The following TNFRSF4 variants were observed in gnomAD, a reference collection of about 807,000 sequenced individuals.
TNFRSF4 encodes tumor necrosis factor receptor superfamily member 4.
A neutral mutation model predicts 29.5 loss-of-function variants in TNFRSF4; 21 were observed. That is an observed-to-expected ratio of 0.71 (90% CI 0.51 to 1.03). The LOEUF is 1.03. Among genes scored for constraint, TNFRSF4 ranks in the 50% least tolerant of loss-of-function variants. TNFRSF4 has a pLI of 0.00. For synonymous variants in TNFRSF4, 197 were observed against 172.7 expected, an observed-to-expected ratio of 1.14 and a Z score of -1.10; for missense variants, 408 against 387.8, an observed-to-expected ratio of 1.05 and a Z score of -0.44.
rs1649133483 is a variant in TNFRSF4, at chr1:1,211,836, C to T, written c.635-4G>A. The stretch of plus-strand genomic sequence containing the variant: ...AGGATGGCGGCAACCGCACGGCCTG[C>T]AGGAAGGGGTCTGCTGGGTGGGGTC... On this transcript the variant is annotated splice_region_variant and splice_polypyrimidine_tract_variant and intron_variant, in intron 5 of 6. Coordinates refer to ENST00000379236, the MANE Select transcript of TNFRSF4 (RefSeq NM_003327.4). The T allele has an allele frequency of 4.5e-6, 7 of 1,542,602 alleles. No homozygotes were observed. Among genetic ancestry groups the T allele is most frequent in the African/African-American group, 1.4e-5 (1 of 73,222 alleles).
At chr1:1,211,872 GC>G in intron 5 of TNFRSF4, 40 bp from the exon 6 acceptor site, 1 of 1,510,588 alleles carries the variant, frequency 6.6e-7, no homozygotes, top group Non-Finnish European at 8.8e-7. Flanking sequence ...CACAGGAGGG[GC>G]CCCCATGCCG....
intron 4 of TNFRSF4, 42 bp from the exon 5 acceptor site, chr1:1,212,180 T>G (rs773663465): frequency 6.2e-7 from 1 of 1,606,254 alleles, no homozygotes; most frequent in South Asian, 1.1e-5. Flanking sequence ...AGAAACCCCC[T>G]GGGACCCGGG....
Position 1,211,987 on chromosome 1 carries a change from T to C in TNFRSF4, c.589A>G (p.Arg197Gly). The C allele has an allele frequency of 1.2e-6, 2 of 1,604,620 alleles. No individual in the cohort carries two copies. The highest frequency in any genetic ancestry group is 1.7e-5 in the Admixed American group (1 of 58,618). The change falls in exon 5 of 7, where the codon AGA (arginine) becomes GGA (glycine). Residue 197 changes from arginine (R) to glycine (G), a missense_variant. Arg to Gly is a moderately radical substitution (Grantham distance 125). Transcript: ENST00000379236. The stretch of plus-strand genomic sequence containing the variant: ...CGGGTGGAGGGTCCCTGTGAGGTTC[T>C]GGGCCAGGCTTCAGTGGGCTGGACA... Reference protein sequence around the residue: ...ITVQPTEAWPRTSQGPSTRPV... With the variant: ...ITVQPTEAWPGTSQGPSTRPV...
At chr1:1,211,902 C>T (rs564928622) in intron 5 of TNFRSF4, 40 bp downstream of exon 5, 82 of 1,508,334 alleles carry the variant, frequency 5.4e-5, no homozygotes, top group Admixed American at 2.3e-4. Flanking sequence ...TTCTCCTATT[C>T]GGGTTGGGGG....
intron 6 of TNFRSF4, 29 bp downstream of exon 6, chr1:1,211,675 G>A (rs1179694456): frequency 6.3e-7 from 1 of 1,580,854 alleles, no homozygotes; most frequent in Non-Finnish European, 8.6e-7. Flanking sequence ...CCCGCCAGGA[G>A]CAGTGCGGCA....
intron 5 of TNFRSF4, 29 bp downstream of exon 5, chr1:1,211,913 C>A: frequency 6.6e-7 from 1 of 1,511,146 alleles, no homozygotes; most frequent in Admixed American, 2.3e-5. Context: ...GGGTTGGGGG[C>A]CCCGCTGGGC....
At chr1:1,212,742 G>A in intron 3 of TNFRSF4, 38 bp from the exon 4 acceptor site, 1 of 1,485,648 alleles carries the variant, frequency 6.7e-7, no homozygotes, top group South Asian at 1.3e-5. Flanking sequence ...CTGCCCACAG[G>A]CCCCGGGTGC....
Position 1,212,676 on chromosome 1 carries a change from G to T in TNFRSF4, c.399C>A (p.Phe133Leu). ...VDCAPCPPGH[F>L]SPGDNQACKP... ...TGCAGGCCTGGTTGTCGCCTGGGGAGAAGTGCCCTGGAGGGCAGGGGGCAC... is the reference window on the plus strand; with the variant it reads ...TGCAGGCCTGGTTGTCGCCTGGGGATAAGTGCCCTGGAGGGCAGGGGGCAC... The change falls in exon 4 of 7, where the codon TTC becomes TTA. Residue 133 changes from phenylalanine (F) to leucine (L), a missense_variant. Phe to Leu is a conservative substitution (Grantham distance 22). Transcript: ENST00000379236. 6.3e-7 allele frequency: 1 copy of T among 1,578,332 alleles called. No homozygotes were observed. The highest frequency in any genetic ancestry group is 1.2e-5 in the South Asian group (1 of 86,166).
chr1:1,213,248 C>T (rs1312958678), intron 2 of TNFRSF4, 155 bp from the exon 3 acceptor site: 13 of 1,533,712 alleles, frequency 8.5e-6, no homozygotes, highest in African/African-American at 1.4e-5. Flanking sequence ...CCCCTGCAGC[C>T]CCCGAGGCTC....
rs750000253 is a variant in TNFRSF4 at position 1,211,702 on chromosome 1, A to T, written c.763+2T>A. 1.3e-6 allele frequency: 2 copies of T among 1,592,036 alleles called. No homozygotes were observed. ...AGTGCGGCAGGGCCATGAGGCACTC[A>T]CCAGGGGGCTTGTGGGCATCGGGGG... On this transcript the variant is annotated splice_donor_variant, in intron 6 of 6. Coordinates refer to ENST00000379236, the MANE Select transcript of TNFRSF4 (RefSeq NM_003327.4). LOFTEE classifies it high-confidence loss of function.
chr1:1,214,090 C>T lies in TNFRSF4; in HGVS notation c.38G>A (p.Cys13Tyr). 1 of 1,588,680 alleles carries T rather than the reference C, an allele frequency of 6.3e-7. No individual in the cohort carries two copies. The highest frequency in any genetic ancestry group is 8.5e-7 in the Non-Finnish European group (1 of 1,172,240). The change falls in exon 1 of 7, where the codon TGT (cysteine) becomes TAT (tyrosine). Residue 13 changes from cysteine to tyrosine, a missense_variant. Cys to Tyr is a radical substitution (Grantham distance 194). Transcript: ENST00000379236. This position sits in a 1 kb window ranked among gnomAD's most constrained non-coding sequence, Gnocchi z 4.2. Reference sequence around the variant, plus strand: ...CAGGCCCAGGAGGAGCAGAGCCGCACACGGCCCGCGGCCCAGCCGCCGAGC... The same window carrying T: ...CAGGCCCAGGAGGAGCAGAGCCGCATACGGCCCGCGGCCCAGCCGCCGAGC... ...VGARRLGRGP[C>Y]AALLLLGLGL...
At chr1:1,211,883 G>T (rs372923867) in intron 5 of TNFRSF4, 51 bp from the exon 6 acceptor site, 1 of 1,508,080 alleles carries the variant, frequency 6.6e-7, no homozygotes, top group East Asian at 2.4e-5. Context: ...CCCCCATGCC[G>T]CCCTCCCCTT....
chr1:1,212,160 T>G, intron 4 of TNFRSF4, 22 bp from the exon 5 acceptor site: 1 of 1,611,694 alleles, frequency 6.2e-7, no homozygotes, highest in South Asian at 1.1e-5. Context: ...CAGGAGGTGT[T>G]GCTCAGGCCA....
chr1:1,212,473 C>G (rs1649193202), intron 4 of TNFRSF4, among the ~76,000 whole-genome samples, 165 bp downstream of exon 4: 1 of 151,928 alleles, frequency 6.6e-6, no homozygotes, highest in Admixed American at 6.5e-5. Context: ...CCAACCAGGT[C>G]CAGCCACATA....
Position 1,212,630 on chromosome 1 carries a change from C to T in TNFRSF4, c.437+8G>A, listed in dbSNP as rs566351921. 19 of 1,505,346 alleles carry T rather than the reference C, an allele frequency of 1.3e-5. No individual in the cohort carries two copies. In the African/African-American group the frequency reaches 2.6e-4, roughly 21 times the overall value. The allele number at this position is 1,505,346 out of a possible 1,614,324, so 93.2% of individuals were successfully genotyped here. On this transcript the variant is annotated splice_region_variant and intron_variant, in intron 4 of 6. Coordinates refer to ENST00000379236, the MANE Select transcript of TNFRSF4 (RefSeq NM_003327.4). ...CAGCCCCTCCCAGCCCCTGGCCAGG[C>T]CCCTCACTTGGTCCAGGGCTTGCAG... is the stretch of plus-strand genomic sequence containing the variant.
chr1:1,213,470 C>T (rs1218177192), intron 2 of TNFRSF4, 193 bp downstream of exon 2: 1 of 1,484,752 alleles, frequency 6.7e-7, no homozygotes, highest in Admixed American at 2.4e-5. Context: ...CGAGTCTGGG[C>T]CCCCGGAGGG....
chr1:1,212,344 C>G (rs1267348578), intron 4 of TNFRSF4, among the ~76,000 whole-genome samples: 2 of 152,074 alleles, frequency 1.3e-5, no homozygotes. Context: ...ATCTACACCC[C>G]CCACCAGCAC....
chr1:1,212,808 T>A, intron 3 of TNFRSF4, 104 bp from the exon 4 acceptor site: 1 of 1,257,674 alleles, frequency 8.0e-7, no homozygotes, highest in Non-Finnish European at 1.1e-6. Flanking sequence ...GGCTGGGTGG[T>A]GGGTTTGGCC....
intron 6 of TNFRSF4, 35 bp downstream of exon 6, chr1:1,211,669 C>G (rs1231439693): frequency 6.3e-7 from 1 of 1,578,176 alleles, no homozygotes. Context: ...GCCTCACCCG[C>G]CAGGAGCAGT....
Sources: allele counts gnomAD v4.1 joint callset (sites outside exome capture counted in the v4.1 genomes callset), GRCh38; gene constraint gnomAD v4.1.1; non-coding constraint Gnocchi (gnomAD v3.1); transcripts MANE v1.5; gene names NCBI Gene and HGNC (gene_info 2026-07-23, HGNC 2026-07-21).